Variants in YBEY observed in about 807,000 individuals in gnomAD.
YBEY encodes ybeY metalloendoribonuclease.
In YBEY, 15 loss-of-function variants were observed where a neutral mutation model predicts 13.5. That is an observed-to-expected ratio of 1.11 (90% CI 0.75 to 1.72). YBEY has a LOEUF of 1.72. Among genes scored for constraint, YBEY ranks in the 40% most tolerant of loss-of-function variants. The probability of loss-of-function intolerance (pLI) is 0.00; values close to 1 mark genes in which losing one functional copy is unlikely to be tolerated. For synonymous variants in YBEY, 101 were observed against 83.1 expected (o/e 1.21, Z -1.17); for missense variants, 244 against 208.4 (o/e 1.17, Z -1.05).
chr21:46,297,546 A>G lies in YBEY; in HGVS notation c.416A>G (p.Gln139Arg). The change falls in exon 5 of 5, where the codon CAG (glutamine) becomes CGG (arginine). Residue 139 changes from glutamine (Q) to arginine (R), a missense_variant. Coordinates refer to ENST00000397701, the MANE Select transcript of YBEY (RefSeq NM_001314025.2). ...GTEAEWQQMFQKEKAVLDELG... is the reference protein window; with the variant it reads ...GTEAEWQQMFRKEKAVLDELG... ...GCGCTTCCTTCCTTCCAGATGTTCC[A>G]GAAGGAGAAGGCGGTGCTGGACGAG... The G allele has an allele frequency of 7.2e-7, 1 of 1,396,108 alleles. No homozygotes were observed. The highest frequency in any genetic ancestry group is 9.4e-7 in the Non-Finnish European group (1 of 1,063,216). 86.5% of individuals were successfully genotyped at this position (1,396,108 alleles called of 1,614,324 possible).
intron 3 of YBEY, chr21:46,292,030 C>T (rs2081733785): frequency 9.5e-6 from 2 of 211,516 alleles, no homozygotes; most frequent in Non-Finnish European, 1.6e-5. Context: ...CTAGGGAATG[C>T]CTGCTGCTGA....
At chr21:46,294,419 T>C (rs2081868300) in intron 3 of YBEY, among the ~76,000 whole-genome samples, 1 of 76,090 alleles carries the variant, frequency 1.3e-5, no homozygotes, top group South Asian at 5.5e-4. Context: ...AGTTAAACTC[T>C]AGATTAAATT....
intron 2 of YBEY, among the ~76,000 whole-genome samples, chr21:46,287,633 C>G (rs1441606027): frequency 3.9e-5 from 6 of 152,118 alleles, no homozygotes; most frequent in African/African-American, 1.4e-4. Flanking sequence ...GCAGTATATT[C>G]AGCCTCCACT....
downstream of YBEY, chr21:46,302,135 G>A (rs747985174): frequency 1.2e-4 from 183 of 1,506,906 alleles, no homozygotes; most frequent in Non-Finnish European, 1.4e-4. Context: ...TGGGACCCTC[G>A]GGGGCACATG....
chr21:46,296,607 G>A (rs1424193255), intron 4 of YBEY, among the ~76,000 whole-genome samples: 2 of 152,192 alleles, frequency 1.3e-5, no homozygotes, highest in African/African-American at 4.8e-5. Context: ...GGAGGCCCAC[G>A]TGGGCTCCGG....
chr21:46,291,112 A>G (rs13052226), intron 2 of YBEY, among the ~76,000 whole-genome samples: 60,630 of 149,380 alleles, frequency 0.41, 12,812 homozygotes, highest in Admixed American at 0.48. Flanking sequence ...CAGGAGAATC[A>G]CTTGAACCCG....
chr21:46,312,406 C>A, the YBEY span, among the ~76,000 whole-genome samples: 1 of 152,144 alleles, frequency 6.6e-6, no homozygotes, highest in Non-Finnish European at 1.5e-5. Flanking sequence ...GCAACCTCCG[C>A]CTCCCAGGTT....
the YBEY span, among the ~76,000 whole-genome samples, chr21:46,303,785 T>A: frequency 7.8e-6 from 1 of 128,154 alleles, no homozygotes; most frequent in African/African-American, 3.0e-5. Context: ...AGAGTCTTGC[T>A]CTGTCGCCGA....
chr21:46,306,144 G>T, the YBEY span, among the ~76,000 whole-genome samples: 2 of 151,872 alleles, frequency 1.3e-5, no homozygotes, highest in Non-Finnish European at 2.9e-5. Flanking sequence ...GCAATCACAG[G>T]GTCCTTAGAA....
downstream of YBEY, chr21:46,297,809 A>T: frequency 8.2e-7 from 1 of 1,213,476 alleles, no homozygotes; most frequent in East Asian, 3.2e-5. Context: ...CGTGGCATCG[A>T]GAGGGCGTCT....
chr21:46,289,592 C>T (rs187404466), intron 2 of YBEY, among the ~76,000 whole-genome samples: 2 of 151,682 alleles, frequency 1.3e-5, no homozygotes, highest in South Asian at 2.1e-4. Flanking sequence ...ATTACAGGCG[C>T]CCACCACCAC....
downstream of YBEY, chr21:46,301,429 G>A (rs1381042820): frequency 4.1e-6 from 4 of 968,636 alleles, no homozygotes; most frequent in Non-Finnish European, 4.9e-6. Flanking sequence ...TTACAGGCAT[G>A]AGCCATGCAC....
At chr21:46,308,622 T>C in the YBEY span, among the ~76,000 whole-genome samples, 1 of 152,286 alleles carries the variant, frequency 6.6e-6, no homozygotes, top group African/African-American at 2.4e-5. Flanking sequence ...TGTTCATTAC[T>C]GTGGTTGGAA....
chr21:46,289,127 CTGGTCTTTA>C (rs2081589816), intron 2 of YBEY, among the ~76,000 whole-genome samples: 1 of 152,206 alleles, frequency 6.6e-6, no homozygotes, highest in Non-Finnish European at 1.5e-5. Context: ...ACTAAGTGGA[CTGGTCTTTA>C]TAGTCTTTAT....
intron 3 of YBEY, among the ~76,000 whole-genome samples, chr21:46,294,286 CCGCGG>C (rs2145819228): frequency 2.5e-5 from 2 of 80,166 alleles, no homozygotes; most frequent in African/African-American, 8.8e-5. Flanking sequence ...TAAATTCCTC[CCGCGG>C]TTAGCCTGAC....
chr21:46,301,849 C>G (rs2082118084), downstream of YBEY: 5 of 1,272,044 alleles, frequency 3.9e-6, no homozygotes, highest in Non-Finnish European at 4.9e-6. Context: ...CCCAGCTTCC[C>G]CAGGAGGAGC....
At chr21:46,304,269 A>T in the YBEY span, among the ~76,000 whole-genome samples, 1 of 152,000 alleles carries the variant, frequency 6.6e-6, no homozygotes. Context: ...TGACCTCATG[A>T]TCTGCCCGCC....
chr21:46,301,975 G>A (rs371284029), downstream of YBEY: 72 of 1,498,118 alleles, frequency 4.8e-5, no homozygotes, highest in African/African-American at 3.4e-4. Flanking sequence ...AGGGTGCCCC[G>A]GCCAGGGTCT....
chr21:46,286,802 G>C, intron 1 of YBEY, 68 bp from the exon 2 acceptor site: 1 of 871,358 alleles, frequency 1.1e-6, no homozygotes, highest in South Asian at 1.7e-5. Flanking sequence ...GATTGCGCGT[G>C]CATCTGTATT....
Sources: allele counts gnomAD v4.1 joint callset (sites outside exome capture counted in the v4.1 genomes callset), GRCh38; gene constraint gnomAD v4.1.1; transcripts MANE v1.5; gene names NCBI Gene and HGNC (gene_info 2026-07-23, HGNC 2026-07-21).